The following PKP4 variants were observed in gnomAD, a reference collection of about 807,000 sequenced individuals.
The protein encoded by PKP4 is plakophilin-4.
PKP4 carries 90 observed loss-of-function variants against 145.1 expected under a neutral mutation model. That is an observed-to-expected ratio of 0.62 (90% CI 0.52 to 0.74). The LOEUF (loss-of-function observed/expected upper bound fraction) is 0.74. Ranked by LOEUF, PKP4 falls within the 30% of genes least tolerant of loss-of-function variation. The probability of loss-of-function intolerance (pLI) is 0.00; values close to 1 mark genes in which losing one functional copy is unlikely to be tolerated. For missense variants in PKP4, 1,340 were observed against 1,482.7 expected, an observed-to-expected ratio of 0.90 and a Z score of 1.58; for synonymous variants, 563 against 577.2, an observed-to-expected ratio of 0.98 and a Z score of 0.35.
chr2:158,662,794 C>G (rs998641988), intron 13 of PKP4, 103 bp from the exon 14 acceptor site: 32 of 817,472 alleles, frequency 3.9e-5, no homozygotes, highest in Admixed American at 3.3e-4. Flanking sequence ...AAAAGTAGTT[C>G]TTTCATATTT....
chr2:158,516,658 CTT>C (rs764067744), intron 1 of PKP4, among the ~76,000 whole-genome samples: 44 of 132,390 alleles, frequency 3.3e-4, no homozygotes, highest in Admixed American at 3.8e-4. Flanking sequence ...ATATACTTTT[CTT>C]TTTTTTTTTT....
intron 2 of PKP4, among the ~76,000 whole-genome samples, chr2:158,561,440 G>A (rs560698616): frequency 4.4e-4 from 67 of 152,308 alleles, no homozygotes; most frequent in African/African-American, 1.4e-3. Flanking sequence ...TTGCCTTGTT[G>A]AACCAATGGG....
At chr2:158,552,899 A>C (rs1250719577) in intron 2 of PKP4, among the ~76,000 whole-genome samples, 1 of 152,230 alleles carries the variant, frequency 6.6e-6, no homozygotes, top group Non-Finnish European at 1.5e-5. Flanking sequence ...AAAATGTGCC[A>C]GTAGACTTGC....
At chr2:158,670,881 C>G (rs552433227) in intron 17 of PKP4, among the ~76,000 whole-genome samples, 5 of 152,272 alleles carry the variant, frequency 3.3e-5, no homozygotes, top group African/African-American at 1.2e-4. Flanking sequence ...GGAGCTGTAG[C>G]AGTGACTATA....
At chr2:158,560,448 A>G (rs72936958) in intron 2 of PKP4, among the ~76,000 whole-genome samples, 30,066 of 152,146 alleles carry the variant, frequency 0.2, 3,832 homozygotes, top group Middle Eastern at 0.35. Context: ...ATTGAGAACA[A>G]AAAAGGGTTA....
chr2:158,523,913 G>A (rs1206035135), intron 1 of PKP4, among the ~76,000 whole-genome samples: 12 of 134,486 alleles, frequency 8.9e-5, no homozygotes, highest in East Asian at 8.8e-4. Context: ...GAAATGAAGC[G>A]AGAAGGGAAG....
At position 158,473,814 on chromosome 2, in the gene PKP4, T is replaced by C. The variant is rs535992300; in HGVS notation, c.-6+16596T>C. Among the ~76,000 whole-genome samples the C allele has an allele frequency of 4.2e-4, 64 of 152,324 alleles. No individual in the cohort carries two copies. The South Asian group carries it at 4.3e-3, about 10-fold the overall frequency. On this transcript the variant is annotated intron_variant, in intron 1 of 21. Coordinates refer to ENST00000389759, the MANE Select transcript of PKP4 (RefSeq NM_003628.6). ...TGAACCTAAAAGTTTAAAATACATA[T>C]ATATCCATTTAAAGCAATTCAGATT...
At chr2:158,588,258 C>G (rs2048971945) in intron 3 of PKP4, 1 of 152,106 alleles carries the variant, frequency 6.6e-6, no homozygotes, top group South Asian at 2.1e-4. Context: ...TCTGAAGTAG[C>G]TCAACAGTTG....
intron 7 of PKP4, among the ~76,000 whole-genome samples, chr2:158,625,872 A>G (rs1035748345): frequency 6.6e-6 from 1 of 152,192 alleles, no homozygotes; most frequent in Admixed American, 6.5e-5. Flanking sequence ...CTTTGGTAAT[A>G]TAGACTAGAC....
intron 2 of PKP4, among the ~76,000 whole-genome samples, chr2:158,556,836 A>T (rs2046135902): frequency 6.6e-6 from 1 of 152,232 alleles, no homozygotes; most frequent in Non-Finnish European, 1.5e-5. Flanking sequence ...GAAGGAGATG[A>T]TCACGTCAGA....
At chr2:158,498,545 G>C (rs1454696514) in intron 1 of PKP4, among the ~76,000 whole-genome samples, 1 of 152,158 alleles carries the variant, frequency 6.6e-6, no homozygotes, top group Non-Finnish European at 1.5e-5. Context: ...TTGGGCTTCA[G>C]TTTTCTCTTC....
chr2:158,558,509 G>A (rs950817682), intron 2 of PKP4, among the ~76,000 whole-genome samples: 1 of 152,156 alleles, frequency 6.6e-6, no homozygotes, highest in Non-Finnish European at 1.5e-5. Flanking sequence ...AGAAAGGTCA[G>A]GGTAGATAGA....
In PKP4 at chr2:158,631,760, G is replaced by A; in HGVS notation, c.1161G>A (p.Arg387=). 1 of 1,613,846 alleles carries A rather than the reference G, an allele frequency of 6.2e-7. No homozygotes were observed. Among genetic ancestry groups the A allele is most frequent in the Non-Finnish European group, 8.5e-7 (1 of 1,179,800 alleles). Residue 387 remains arginine, a synonymous_variant, in exon 8 of 22, where the codon CGG becomes CGA. Coordinates refer to ENST00000389759, the MANE Select transcript of PKP4 (RefSeq NM_003628.6). ...PPRPDSLTGL[R]SSYASQHSQL... ...TAATTTTTGTGCCTCTAGGCTTACG[G>A]AGTTCCTATGCTAGTCAGCATAGTC... is the stretch of plus-strand genomic sequence containing the variant.
intron 1 of PKP4, among the ~76,000 whole-genome samples, chr2:158,507,906 A>G (rs747429461): frequency 2.6e-5 from 4 of 152,142 alleles, no homozygotes; most frequent in Non-Finnish European, 1.5e-5. Flanking sequence ...TGAGCTTTCC[A>G]TAATTGAGAT....
chr2:158,605,958 G>A (rs2050620487), intron 4 of PKP4, among the ~76,000 whole-genome samples: 1 of 152,120 alleles, frequency 6.6e-6, no homozygotes. Context: ...CCTTATCATA[G>A]CATGTAACAG....
In PKP4 at chr2:158,480,826, A is replaced by G. The variant is rs1693237541; in HGVS notation, c.-6+23608A>G. Among the ~76,000 whole-genome samples the G allele has an allele frequency of 2.6e-5, 4 of 152,178 alleles. No homozygotes were observed. In the South Asian group the frequency reaches 8.3e-4, roughly 32 times the overall value. ...CCCTATCTAATTCCAGAACATTTTTATCACACCAAAAATAAACCCCATACT... is the reference window on the plus strand; with the variant it reads ...CCCTATCTAATTCCAGAACATTTTTGTCACACCAAAAATAAACCCCATACT... On this transcript the variant is annotated intron_variant, in intron 1 of 21. Coordinates refer to ENST00000389759, the MANE Select transcript of PKP4 (RefSeq NM_003628.6).
At chr2:158,502,135 A>G (rs933709672) in intron 1 of PKP4, among the ~76,000 whole-genome samples, 2 of 152,166 alleles carry the variant, frequency 1.3e-5, no homozygotes, top group Non-Finnish European at 2.9e-5. Context: ...TAGATCATCC[A>G]CTTGGATTTT....
chr2:158,652,912 G>A (rs968557148), intron 11 of PKP4, among the ~76,000 whole-genome samples: 10 of 152,268 alleles, frequency 6.6e-5, no homozygotes, highest in South Asian at 4.2e-4. Context: ...CTGAGCCTGG[G>A]TAGTTTTACC....
chr2:158,628,295 T>C (rs2053014016), intron 7 of PKP4, among the ~76,000 whole-genome samples: 1 of 152,158 alleles, frequency 6.6e-6, no homozygotes, highest in South Asian at 2.1e-4. Context: ...AAATTATTTC[T>C]AATACCAATT....
Sources: gnomAD v4.1 joint callset for allele counts (sites outside exome capture counted in the v4.1 genomes callset) on GRCh38, gnomAD v4.1.1 for gene constraint, MANE v1.5 for transcripts, NCBI Gene and HGNC (gene_info 2026-07-23, HGNC 2026-07-21) for gene names.